Variants in RASSF6 observed in about 807,000 individuals in gnomAD.
RASSF6 encodes the protein ras association domain-containing protein 6.
A neutral mutation model predicts 44.0 loss-of-function variants in RASSF6; 52 were observed. The observed-to-expected ratio is 1.18, with a 90% CI of 0.95 to 1.49. The LOEUF is 1.49. Ranked by LOEUF, RASSF6 falls within the 40% of genes most tolerant of loss-of-function variation. RASSF6 has a pLI of 0.00. For synonymous variants in RASSF6, 162 were observed against 124.6 expected, an observed-to-expected ratio of 1.30 and a Z score of -2.00; for missense variants, 464 against 393.3, an observed-to-expected ratio of 1.18 and a Z score of -1.52.
At chr4:73,586,815 C>T (rs1724129138) in intron 5 of RASSF6, among the ~76,000 whole-genome samples, 1 of 149,598 alleles carries the variant, frequency 6.7e-6, no homozygotes, top group African/African-American at 2.5e-5. Flanking sequence ...GATCCCATGG[C>T]ATAAAGAGAA....
At chr4:73,584,951 T>C (rs781354423) in intron 6 of RASSF6, among the ~76,000 whole-genome samples, 1 of 152,062 alleles carries the variant, frequency 6.6e-6, no homozygotes, top group Non-Finnish European at 1.5e-5. Flanking sequence ...GTAAAGAAAA[T>C]AATGGTACCT....
At chr4:73,619,481 C>T (rs997962640) in intron 1 of RASSF6, among the ~76,000 whole-genome samples, 20 of 152,184 alleles carry the variant, frequency 1.3e-4, no homozygotes, top group African/African-American at 3.9e-4. Flanking sequence ...TCCCTGATAA[C>T]GGCCCCTTTG....
At chr4:73,580,281 A>G (rs1302759032) in intron 8 of RASSF6, among the ~76,000 whole-genome samples, 2 of 151,478 alleles carry the variant, frequency 1.3e-5, no homozygotes, top group African/African-American at 4.9e-5. Context: ...ATTGTTGGAC[A>G]TTTGGGTTGC....
chr4:73,596,416 A>C (rs969294665), intron 3 of RASSF6, among the ~76,000 whole-genome samples: 1 of 152,214 alleles, frequency 6.6e-6, no homozygotes, highest in Admixed American at 6.5e-5. Flanking sequence ...TACAGCTAAC[A>C]AGGGAAGTGA....
chr4:73,616,111 A>G (rs1726336451), intron 1 of RASSF6, among the ~76,000 whole-genome samples: 1 of 152,202 alleles, frequency 6.6e-6, no homozygotes, highest in African/African-American at 2.4e-5. Flanking sequence ...TAGGCACAGA[A>G]AGTATAGCCT....
chr4:73,615,597 T>G (rs754474301), intron 1 of RASSF6, among the ~76,000 whole-genome samples: 1 of 152,198 alleles, frequency 6.6e-6, no homozygotes, highest in Non-Finnish European at 1.5e-5. Context: ...TTGACTTAGA[T>G]TGTGTGTAAA....
intron 3 of RASSF6, among the ~76,000 whole-genome samples, chr4:73,594,734 T>C (rs560926829): frequency 6.6e-6 from 1 of 152,210 alleles, no homozygotes; most frequent in Non-Finnish European, 1.5e-5. Flanking sequence ...TTTTCAACAA[T>C]CAAACACAAT....
intron 2 of RASSF6, among the ~76,000 whole-genome samples, chr4:73,606,302 A>T (rs1725628495): frequency 6.6e-6 from 1 of 152,224 alleles, no homozygotes; most frequent in Admixed American, 6.5e-5. Context: ...TCCTAAGTGA[A>T]CTAATAGAGA....
chr4:73,602,553 G>C (rs1725342300), intron 2 of RASSF6, among the ~76,000 whole-genome samples: 1 of 149,934 alleles, frequency 6.7e-6, no homozygotes, highest in South Asian at 2.1e-4. Flanking sequence ...ACTGTTGCCT[G>C]TCAGTGGTAA....
Position 73,582,264 on chromosome 4 carries a change from T to A in RASSF6, c.594A>T (p.Glu198Asp). The change falls in exon 7 of 11, where the codon GAA becomes GAT. Residue 198 changes from glutamate (E) to aspartate (D), a missense_variant. Transcript: ENST00000307439. ...TGTTTACTCTGACCTTAGTTTCTGATTCAAAGGCTGGAATGAAAATTGATG... is the reference window on the plus strand; with the variant it reads ...TGTTTACTCTGACCTTAGTTTCTGAATCAAAGGCTGGAATGAAAATTGATG... The part of the protein sequence containing the change: ...HETSIFIPAF[E>D]SETKVRVNSN... The A allele has an allele frequency of 6.3e-7, 1 of 1,592,084 alleles. No homozygotes were observed. The highest frequency in any genetic ancestry group is 1.1e-5 in the South Asian group (1 of 87,918).
chr4:73,598,546 C>T, intron 3 of RASSF6, 94 bp downstream of exon 3: 1 of 638,746 alleles, frequency 1.6e-6, no homozygotes, highest in Admixed American at 4.0e-5. Context: ...TCAAGTTAAA[C>T]TTTCACCTGT....
intron 3 of RASSF6, 23 bp from the exon 4 acceptor site, chr4:73,593,616 C>T: frequency 6.2e-7 from 1 of 1,605,652 alleles, no homozygotes; most frequent in Non-Finnish European, 8.5e-7. Context: ...TGAATAATCC[C>T]CCAATTGTTT....
At chr4:73,602,770 A>AT (rs2149388705) in intron 2 of RASSF6, among the ~76,000 whole-genome samples, 1 of 152,302 alleles carries the variant, frequency 6.6e-6, no homozygotes, top group East Asian at 1.9e-4. Context: ...CAAGTCTGTG[A>AT]TGTCCAAGGC....
intron 4 of RASSF6, among the ~76,000 whole-genome samples, chr4:73,591,932 A>G (rs941000509): frequency 2.0e-5 from 3 of 151,868 alleles, no homozygotes; most frequent in Non-Finnish European, 4.4e-5. Flanking sequence ...AGACAAGGAG[A>G]TAAGTATACA....
At chr4:73,588,015 T>C (rs1578031480) in intron 4 of RASSF6, 81 bp from the exon 5 acceptor site, 3 of 897,894 alleles carry the variant, frequency 3.3e-6, no homozygotes, top group East Asian at 5.1e-5. Context: ...ACAATATTAA[T>C]ATAGTAATAC....
At chr4:73,591,002 A>T (rs1417627692) in intron 4 of RASSF6, among the ~76,000 whole-genome samples, 1 of 152,230 alleles carries the variant, frequency 6.6e-6, no homozygotes, top group Non-Finnish European at 1.5e-5. Flanking sequence ...TACCTTGTCC[A>T]CCTGGGCTCT....
chr4:73,602,589 C>CTTAA (rs1560455865), intron 2 of RASSF6, among the ~76,000 whole-genome samples: 13 of 3,656 alleles, frequency 3.6e-3, no homozygotes, highest in Admixed American at 4.4e-3. Flanking sequence ...TTAGGGTCCA[C>CTTAA]CTGTTACATG....
At chr4:73,611,936 T>C (rs932416114) in intron 1 of RASSF6, 107 bp from the exon 2 acceptor site, 3 of 672,898 alleles carry the variant, frequency 4.5e-6, no homozygotes, top group Non-Finnish European at 7.3e-6. Context: ...AAGAAGGTTT[T>C]AGAAAGTTTT....
In RASSF6 at chr4:73,582,234, GT is replaced by G. The variant is rs751967462; in HGVS notation, c.623del (p.Asn208ThrfsTer2). 6.3e-7 allele frequency: 1 copy of G among 1,597,852 alleles called. No individual in the cohort carries two copies. The highest frequency in any genetic ancestry group is 1.1e-5 in the South Asian group (1 of 88,752). On this transcript the variant is annotated frameshift_variant, in exon 7 of 11. Coordinates refer to ENST00000307439, the MANE Select transcript of RASSF6 (RefSeq NM_177532.5). LOFTEE classifies it high-confidence loss of function. ...ESETKVRVNS[N>X]MRTEEVIKQL... The stretch of plus-strand genomic sequence containing the variant: ...GCTTTATTACTTCTTCAGTTCTCAT[GT>G]TACTGTTTACTCTGACCTTAGTTTC...
Sources: gnomAD v4.1 joint callset for allele counts (sites outside exome capture counted in the v4.1 genomes callset) on GRCh38, gnomAD v4.1.1 for gene constraint, MANE v1.5 for transcripts, NCBI Gene and HGNC (gene_info 2026-07-23, HGNC 2026-07-21) for gene names.